Variants in ATM observed in about 807,000 individuals in gnomAD.
The protein encoded by ATM is serine-protein kinase ATM.
ATM carries 308 observed loss-of-function variants against 387.0 expected under a neutral mutation model. That is an observed-to-expected ratio of 0.80 (90% CI 0.73 to 0.87). The LOEUF (loss-of-function observed/expected upper bound fraction) is 0.87. Among genes scored for constraint, ATM ranks in the 40% least tolerant of loss-of-function variants. The pLI is 0.00. For missense variants in ATM, 3,312 were observed against 3,560.9 expected, an observed-to-expected ratio of 0.93 and a Z score of 1.78; for synonymous variants, 1,156 against 1,187.3, an observed-to-expected ratio of 0.97 and a Z score of 0.54.
At chr11:108,357,633 G>C (rs2090161908) in intron 61 of ATM, among the ~76,000 whole-genome samples, 1 of 152,060 alleles carries the variant, frequency 6.6e-6, no homozygotes, top group Non-Finnish European at 1.5e-5. Flanking sequence ...GTGGGTTCCT[G>C]ACCCCTGACC....
chr11:108,235,674 A>G lies in ATM; in HGVS notation c.336A>G (p.Ala112=), dbSNP rs777759909. The G allele has an allele frequency of 1.2e-6, 2 of 1,606,720 alleles. No homozygotes were observed. The highest frequency in any genetic ancestry group is 2.2e-5 in the East Asian group (1 of 44,722). Residue 112 remains alanine, a synonymous_variant, in exon 5 of 63, where the codon GCA becomes GCG. Transcript: ENST00000675843. ...TATTTGTTTATTTTGAAATAGGAGCACCTAGGCTAAAATGTCAAGAACTCT... is the reference window on the plus strand; with the variant it reads ...TATTTGTTTATTTTGAAATAGGAGCGCCTAGGCTAAAATGTCAAGAACTCT... ...KYFIKCANRR[A]PRLKCQELLN... is the part of the protein sequence containing the mutation.
intron 43 of ATM, 30 bp from the exon 44 acceptor site, chr11:108,319,924 G>C (rs2136217232): frequency 6.7e-7 from 1 of 1,489,192 alleles, no homozygotes; most frequent in Non-Finnish European, 9.4e-7. Context: ...CTGTTTTTAA[G>C]TATATTTTTT....
intron 38 of ATM, 152 bp from the exon 39 acceptor site, chr11:108,310,008 A>G (rs2136005474): frequency 2.8e-6 from 2 of 719,224 alleles, no homozygotes; most frequent in East Asian, 2.8e-5. Context: ...TTATCTTATA[A>G]TGTTTATAGG....
At chr11:108,321,523 C>T in intron 45 of ATM, 103 bp downstream of exon 45, 5 of 1,535,608 alleles carry the variant, frequency 3.3e-6, no homozygotes, top group Non-Finnish European at 4.5e-6. Flanking sequence ...TGGCTCATGC[C>T]TGTAATCCTA....
At chr11:108,359,007 G>C (rs1041281871) in intron 61 of ATM, among the ~76,000 whole-genome samples, 6 of 151,362 alleles carry the variant, frequency 4.0e-5, no homozygotes, top group African/African-American at 1.5e-4. Flanking sequence ...TGGCAAATTG[G>C]ATAAAGAGTC....
At chr11:108,356,540 T>TAAAA (rs374615780) in intron 61 of ATM, among the ~76,000 whole-genome samples, 1 of 97,766 alleles carries the variant, frequency 1.0e-5, no homozygotes, top group East Asian at 3.0e-4. Flanking sequence ...CTGTCTGTCT[T>TAAAA]AAAAAAAAAA....
chr11:108,327,682 T>C lies in ATM; in HGVS notation c.7013T>C (p.Leu2338Pro), dbSNP rs1555120997. 3.1e-6 allele frequency: 5 copies of C among 1,614,034 alleles called. No homozygotes were observed. The highest frequency in any genetic ancestry group is 4.2e-6 in the Non-Finnish European group (5 of 1,179,944). The change falls in exon 48 of 63, where the codon CTG becomes CCG. Residue 2338 changes from leucine to proline, a missense_variant. Physicochemically the swap from Leu to Pro is moderately conservative, Grantham distance 98. Around this residue, in one of 4 missense-constraint regions of ATM, gnomAD observed 1,405 missense variants for 1,604.4 expected, o/e 0.88. Transcript: ENST00000675843. Reference protein sequence around the residue: ...PSLKLTYTECLRVCGNWLAET... With the variant: ...PSLKLTYTECPRVCGNWLAET... ...CTAAAACTTACATACACAGAATGTCTGAGGGTTTGTGGCAACTGGTTAGCA... is the reference window on the plus strand; with the variant it reads ...CTAAAACTTACATACACAGAATGTCCGAGGGTTTGTGGCAACTGGTTAGCA...
chr11:108,354,734 T>C (rs150515345), intron 60 of ATM, 77 bp from the exon 61 acceptor site: 2 of 1,223,880 alleles, frequency 1.6e-6, no homozygotes, highest in Non-Finnish European at 2.4e-6. Context: ...ATACTACACA[T>C]GAGAGTATAC....
chr11:108,294,897 G>A, intron 31 of ATM, 30 bp from the exon 32 acceptor site: 1 of 1,612,258 alleles, frequency 6.2e-7, no homozygotes, highest in Non-Finnish European at 8.5e-7. Flanking sequence ...ACCAATACGT[G>A]TTAAAAGCAA....
intron 16 of ATM, among the ~76,000 whole-genome samples, chr11:108,266,731 G>A (rs991648297): frequency 6.6e-6 from 1 of 150,980 alleles, no homozygotes; most frequent in African/African-American, 2.4e-5. Context: ...ACATTTAGTA[G>A]AAAAAGTACT....
At chr11:108,357,799 C>T (rs1185728103) in intron 61 of ATM, among the ~76,000 whole-genome samples, 2 of 151,980 alleles carry the variant, frequency 1.3e-5, no homozygotes, top group African/African-American at 4.8e-5. Flanking sequence ...ATCTGTACAT[C>T]ACCATCATCA....
chr11:108,328,900 A>G, intron 48 of ATM, 121 bp from the exon 49 acceptor site: 1 of 1,108,334 alleles, frequency 9.0e-7, no homozygotes, highest in South Asian at 1.5e-5. Flanking sequence ...TAGTTCATAT[A>G]ATTTAGCTAG....
Position 108,230,671 on chromosome 11 carries a change from A to G in ATM, c.331+1348A>G, listed in dbSNP as rs529604281. On this transcript the variant is annotated intron_variant, in intron 4 of 62. Transcript: ENST00000675843. ...AAGTGTGGGCCTCTACTTACAGGGA[A>G]GAGGCCAGAAAAACAAACAAAAAAG... 5.3e-5 allele frequency: 8 copies of G among 152,166 alleles called. No individual in the cohort carries two copies. The East Asian group carries it at 1.5e-3, about 29-fold the overall frequency. 9.4% of individuals were successfully genotyped at this position (152,166 alleles called of 1,614,324 possible).
At chr11:108,309,824 C>T (rs1326799936) in intron 38 of ATM, among the ~76,000 whole-genome samples, 1 of 152,040 alleles carries the variant, frequency 6.6e-6, no homozygotes, top group Non-Finnish European at 1.5e-5. Flanking sequence ...TTTGTATTAG[C>T]TATTCTGTGT....
rs2135318467 is a variant in ATM at position 108,250,783 on chromosome 11, T to C, written c.1318T>C (p.Ser440Pro). 6.2e-7 allele frequency: 1 copy of C among 1,613,826 alleles called. No individual in the cohort carries two copies. The highest frequency in any genetic ancestry group is 8.5e-7 in the Non-Finnish European group (1 of 1,179,954). Residue 440 changes from serine (S) to proline (P), a missense_variant, in exon 10 of 63, where the codon TCT becomes CCT. Transcript: ENST00000675843. ...GCTGTCTCCATTACTGATGATACTA[T>C]CTCAGCTTCTACCCCAACAGCGACA... The part of the protein sequence containing the change: ...CELSPLLMIL[S>P]QLLPQQRHGE...
At chr11:108,345,957 GT>G in intron 58 of ATM, 49 bp downstream of exon 58, 2 of 1,607,380 alleles carry the variant, frequency 1.2e-6, no homozygotes, top group Non-Finnish European at 1.7e-6. Flanking sequence ...TGTTTGGCAG[GT>G]TTTATTTTTG....
Position 108,279,618 on chromosome 11 carries a change from A to C in ATM, c.3402+10A>C, listed in dbSNP as rs919002854. ...AGGAATGAGAGAAATGGTAATTTTA[A>C]GTAACATGTATTTGCTGTTATCATA... On this transcript the variant is annotated intron_variant, in intron 23 of 62. Coordinates refer to ENST00000675843, the MANE Select transcript of ATM (RefSeq NM_000051.4). The C allele has an allele frequency of 7.6e-6, 12 of 1,577,398 alleles. No homozygotes were observed. Among genetic ancestry groups the C allele is most frequent in the African/African-American group, 6.8e-5 (5 of 74,036 alleles).
chr11:108,301,566 T>C, intron 34 of ATM, 82 bp from the exon 35 acceptor site: 1 of 1,565,828 alleles, frequency 6.4e-7, no homozygotes, highest in Non-Finnish European at 8.8e-7. Flanking sequence ...AATTTTAGTT[T>C]TGAAATTTTT....
chr11:108,290,659 A>AG (rs2082737957), intron 29 of ATM: 1 of 113,034 alleles, frequency 8.8e-6, no homozygotes, highest in African/African-American at 3.1e-5. Flanking sequence ...AAAAAAAAAA[A>AG]AAAAAAAAGA....
Sources: gnomAD v4.1 joint callset for allele counts (sites outside exome capture counted in the v4.1 genomes callset) on GRCh38, gnomAD v4.1.1 for gene constraint, gnomAD v4.1.1 regional missense constraint, MANE v1.5 for transcripts, NCBI Gene and HGNC (gene_info 2026-07-23, HGNC 2026-07-21) for gene names.